The following GALNTL6 variants were observed in gnomAD, a reference collection of about 807,000 sequenced individuals.
GALNTL6 encodes the protein polypeptide N-acetylgalactosaminyltransferase like 6.
In GALNTL6, 46 loss-of-function variants were observed where a neutral mutation model predicts 73.7. The ratio of observed to expected loss-of-function variants is 0.62; its 90% CI spans 0.49 to 0.80. The LOEUF is 0.80. GALNTL6 is among the 30% of genes least tolerant of loss of function. GALNTL6 has a pLI of 0.00. For synonymous variants in GALNTL6, 259 were observed against 263.7 expected (o/e 0.98, Z 0.17); for missense variants, 604 against 755.0 (o/e 0.80, Z 2.34).
chr4:172,137,743 T>A (rs1372070411), intron 2 of GALNTL6, among the ~76,000 whole-genome samples: 1 of 152,202 alleles, frequency 6.6e-6, no homozygotes, highest in Non-Finnish European at 1.5e-5. Context: ...ATTTTCTCCC[T>A]AGTTGGATGA....
chr4:172,815,206 G>A (rs765583149), intron 7 of GALNTL6, among the ~76,000 whole-genome samples: 9 of 152,054 alleles, frequency 5.9e-5, no homozygotes, highest in Non-Finnish European at 8.8e-5. Context: ...TTAGCCATTC[G>A]ACAATATGTA....
intron 5 of GALNTL6, among the ~76,000 whole-genome samples, chr4:172,590,563 C>T (rs1579219172): frequency 6.6e-6 from 1 of 152,220 alleles, no homozygotes; most frequent in East Asian, 1.9e-4. Flanking sequence ...TTAACAAAGA[C>T]AAAGCTTTAG....
chr4:172,740,228 C>A (rs1286638195), intron 5 of GALNTL6, among the ~76,000 whole-genome samples: 1 of 152,072 alleles, frequency 6.6e-6, no homozygotes, highest in African/African-American at 2.4e-5. Flanking sequence ...AAAACAGACA[C>A]CACACCAGGA....
Position 172,851,444 on chromosome 4 carries a change from CAT to C in GALNTL6, c.924-31339_924-31338del, listed in dbSNP as rs372920558. ...CACACACACACATATATATATCACA[CAT>C]ATATATCACGCATATATACATATAT... On this transcript the variant is annotated intron_variant, in intron 7 of 12. Coordinates refer to ENST00000506823, the MANE Select transcript of GALNTL6 (RefSeq NM_001034845.3). Among the ~76,000 whole-genome samples the C allele has an allele frequency of 3.1e-3, 478 of 151,924 alleles. 1 individual carries two copies. The highest frequency in any genetic ancestry group is 0.01 in the Middle Eastern group (3 of 292).
chr4:172,675,691 A>G (rs1046002399), intron 5 of GALNTL6, among the ~76,000 whole-genome samples: 3 of 152,252 alleles, frequency 2.0e-5, no homozygotes, highest in African/African-American at 7.2e-5. Context: ...TCACATGGCT[A>G]AAAAATGGCA....
intron 7 of GALNTL6, among the ~76,000 whole-genome samples, chr4:172,831,157 CAAAAAAAAAAAAAAAAAAAA>C (rs60870698): frequency 1.3e-4 from 8 of 63,902 alleles, no homozygotes; most frequent in African/African-American, 2.5e-4. Context: ...GACTCCCTCT[CAAAAAAAAAAAAAAAAAAAA>C]AAAAAAAAAA....
intron 2 of GALNTL6, among the ~76,000 whole-genome samples, chr4:171,971,003 A>G (rs538757669): frequency 2.0e-5 from 3 of 152,222 alleles, no homozygotes; most frequent in Non-Finnish European, 4.4e-5. Context: ...AATTAGTAGC[A>G]GGGTTGAACT....
chr4:172,735,208 G>A (rs1560914246), intron 5 of GALNTL6, among the ~76,000 whole-genome samples: 2 of 152,196 alleles, frequency 1.3e-5, no homozygotes, highest in Non-Finnish European at 2.9e-5. Flanking sequence ...AAAGCAACCA[G>A]GAGGTGCTCT....
chr4:171,977,221 T>C (rs1464697911), intron 2 of GALNTL6, among the ~76,000 whole-genome samples: 2 of 152,204 alleles, frequency 1.3e-5, no homozygotes, highest in African/African-American at 2.4e-5. Flanking sequence ...AAAGAGATTG[T>C]ACAACCATTT....
At chr4:172,513,840 G>A (rs1734510897) in intron 5 of GALNTL6, among the ~76,000 whole-genome samples, 2 of 152,120 alleles carry the variant, frequency 1.3e-5, no homozygotes, top group South Asian at 2.1e-4. Flanking sequence ...ACTCTGTGTG[G>A]GACCTTGACT....
intron 2 of GALNTL6, among the ~76,000 whole-genome samples, chr4:171,995,126 T>C (rs1403846588): frequency 6.6e-6 from 1 of 151,966 alleles, no homozygotes; most frequent in Admixed American, 6.6e-5. Flanking sequence ...CATATTATTA[T>C]ATATGCTGAT....
At chr4:172,116,598 G>C (rs1464887333) in intron 2 of GALNTL6, among the ~76,000 whole-genome samples, 1 of 152,058 alleles carries the variant, frequency 6.6e-6, no homozygotes, top group Non-Finnish European at 1.5e-5. Context: ...GATATTCTCT[G>C]TATTATTCCT....
intron 2 of GALNTL6, among the ~76,000 whole-genome samples, chr4:172,062,196 C>T (rs907955374): frequency 7.9e-5 from 12 of 151,920 alleles, no homozygotes; most frequent in African/African-American, 1.2e-4. Flanking sequence ...CCTCATGATC[C>T]GCCCGCCTTG....
At chr4:172,404,084 T>TTCTC (rs147494252) in intron 5 of GALNTL6, among the ~76,000 whole-genome samples, 12 of 151,278 alleles carry the variant, frequency 7.9e-5, no homozygotes, top group African/African-American at 2.9e-4. Context: ...TTATTTCTCT[T>TTCTC]TCTCTCTCTC....
At chr4:172,521,509 A>C (rs1036525503) in intron 5 of GALNTL6, among the ~76,000 whole-genome samples, 6 of 152,186 alleles carry the variant, frequency 3.9e-5, no homozygotes, top group African/African-American at 1.4e-4. Context: ...AAGCATGAGT[A>C]ATGAAAGAAG....
intron 2 of GALNTL6, among the ~76,000 whole-genome samples, chr4:172,021,621 T>C (rs1256576157): frequency 2.0e-5 from 3 of 151,914 alleles, no homozygotes; most frequent in South Asian, 2.1e-4. Flanking sequence ...CCATAAAGAC[T>C]CAGAATAGCC....
intron 5 of GALNTL6, among the ~76,000 whole-genome samples, chr4:172,438,086 G>A (rs1731701199): frequency 6.6e-6 from 1 of 152,022 alleles, no homozygotes; most frequent in Admixed American, 6.6e-5. Context: ...TGGCCATGAA[G>A]TCATTTCTTC....
intron 5 of GALNTL6, among the ~76,000 whole-genome samples, chr4:172,747,567 T>C (rs1231400254): frequency 6.6e-6 from 1 of 152,106 alleles, no homozygotes; most frequent in African/African-American, 2.4e-5. Context: ...CTGTTGATGG[T>C]ATTGTAAATT....
chr4:172,631,140 T>C (rs1489741152), intron 5 of GALNTL6, among the ~76,000 whole-genome samples: 1 of 151,918 alleles, frequency 6.6e-6, no homozygotes, highest in Non-Finnish European at 1.5e-5. Flanking sequence ...CTTTTTTGAA[T>C]ATGTAGTAAT....
Sources: gnomAD v4.1 joint callset for allele counts (sites outside exome capture counted in the v4.1 genomes callset) on GRCh38, gnomAD v4.1.1 for gene constraint, MANE v1.5 for transcripts, NCBI Gene and HGNC (gene_info 2026-07-23, HGNC 2026-07-21) for gene names.